The following UBOX5 variants were observed in gnomAD, a reference collection of about 807,000 sequenced individuals.
UBOX5 encodes the protein U-box domain containing 5.
UBOX5 carries 28 observed loss-of-function variants against 39.0 expected under a neutral mutation model. That is an observed-to-expected ratio of 0.72 (90% CI 0.53 to 0.98). The LOEUF (loss-of-function observed/expected upper bound fraction) is 0.98, where lower values mean the gene tolerates loss of function less well. Ranked by LOEUF, UBOX5 falls within the 50% of genes least tolerant of loss-of-function variation. The pLI is 0.00. For missense variants in UBOX5, 585 were observed against 674.4 expected (o/e 0.87, Z 1.47); for synonymous variants, 283 against 275.5 (o/e 1.03, Z -0.27).
intron 1 of UBOX5, chr20:3,147,944 T>C: frequency 2.5e-6 from 4 of 1,614,246 alleles, no homozygotes; most frequent in Non-Finnish European, 2.5e-6. Context: ...CTCTCCAATC[T>C]GCTTCATGAA....
At chr20:3,151,068 TTG>T (rs142154039) in intron 1 of UBOX5, among the ~76,000 whole-genome samples, 11 of 149,312 alleles carry the variant, frequency 7.4e-5, no homozygotes, top group Admixed American at 2.7e-4. Context: ...GTGTGTGTGT[TTG>T]TGTGTGTGTG....
chr20:3,158,835 C>T (rs1438294787), intron 1 of UBOX5, among the ~76,000 whole-genome samples: 1 of 152,228 alleles, frequency 6.6e-6, no homozygotes, highest in African/African-American at 2.4e-5. Context: ...CAGGACCATT[C>T]AGGTCAGTGA....
intron 1 of UBOX5, among the ~76,000 whole-genome samples, chr20:3,140,821 G>C (rs1042680556): frequency 3.3e-5 from 5 of 151,324 alleles, no homozygotes; most frequent in African/African-American, 1.2e-4. Context: ...ATGTCACCCA[G>C]GTACTGAGCA....
At position 3,122,482 on chromosome 20, in the gene UBOX5, CAT is replaced by C; in HGVS notation, c.155_156del (p.Tyr52CysfsTer8). 6.2e-7 allele frequency: 1 copy of C among 1,614,166 alleles called. No individual in the cohort carries two copies. Among genetic ancestry groups the C allele is most frequent in the Non-Finnish European group, 8.5e-7 (1 of 1,180,018 alleles). ...ACATTAAAGGGAAATGAAACTGTCA[CAT>C]AGACTGGTGGCTTAATGAAATACTC... ...RTEYFIKPPV[Y>X]VTVSFPFNVE... On this transcript the variant is annotated frameshift_variant, in exon 3 of 5. Coordinates refer to ENST00000217173, the MANE Select transcript of UBOX5 (RefSeq NM_014948.4). LOFTEE classifies it high-confidence loss of function.
chr20:3,147,003 T>A, intron 1 of UBOX5: 2 of 1,614,210 alleles, frequency 1.2e-6, no homozygotes, highest in Non-Finnish European at 1.7e-6. Context: ...GGGGTCTGCA[T>A]GCAGGCTGCG....
chr20:3,142,655 C>G lies in UBOX5; in HGVS notation c.-42+17111G>C, dbSNP rs540471196. ...GGGCTTGGTGGCACACTCCTGTAAT[C>G]CCAGCTACTTGGGTGGCTGAGGCAC... is the stretch of plus-strand genomic sequence containing the variant. On this transcript the variant is annotated intron_variant, in intron 1 of 4. Transcript: ENST00000217173. Among the ~76,000 whole-genome samples, 28 of 148,398 alleles carry G rather than the reference C, an allele frequency of 1.9e-4. 1 individual carries two copies. In the South Asian group the frequency reaches 5.8e-3, roughly 31 times the overall value.
At chr20:3,147,660 G>T (rs1271368844) in intron 1 of UBOX5, 3 of 1,614,126 alleles carry the variant, frequency 1.9e-6, no homozygotes, top group Non-Finnish European at 2.5e-6. Flanking sequence ...GTGGGCAGGT[G>T]TTCTGGGTAC....
At chr20:3,148,950 G>C in intron 1 of UBOX5, 1 of 1,614,208 alleles carries the variant, frequency 6.2e-7, no homozygotes, top group Non-Finnish European at 8.5e-7. Flanking sequence ...GGAGGGTCCT[G>C]TCCCCCATGC....
At chr20:3,123,505 A>C in intron 1 of UBOX5, 99 bp from the exon 2 acceptor site, 1 of 780,278 alleles carries the variant, frequency 1.3e-6, no homozygotes, top group East Asian at 2.7e-5. Flanking sequence ...TGGCAACAAA[A>C]ACTTGAACAC....
At chr20:3,154,238 G>A (rs944548573) in intron 1 of UBOX5, among the ~76,000 whole-genome samples, 3 of 152,226 alleles carry the variant, frequency 2.0e-5, no homozygotes, top group Non-Finnish European at 2.9e-5. Flanking sequence ...CATGCTGGAC[G>A]ACATAGACAG....
At chr20:3,123,735 T>C (rs1361946309) in intron 1 of UBOX5, among the ~76,000 whole-genome samples, 1 of 152,170 alleles carries the variant, frequency 6.6e-6, no homozygotes, top group Non-Finnish European at 1.5e-5. Flanking sequence ...CAAAAGTATC[T>C]GAGCTCAGAG....
chr20:3,121,354 C>A, intron 3 of UBOX5, 30 bp downstream of exon 3: 1 of 1,580,144 alleles, frequency 6.3e-7, no homozygotes, highest in Non-Finnish European at 8.6e-7. Context: ...GATGGATGAG[C>A]CTGGCTGCGG....
chr20:3,117,709 G>C (rs1278227075), intron 3 of UBOX5, among the ~76,000 whole-genome samples: 1 of 150,426 alleles, frequency 6.6e-6, no homozygotes, highest in African/African-American at 2.4e-5. Flanking sequence ...ATAAATAACA[G>C]GGCTGGGCGT....
intron 1 of UBOX5, among the ~76,000 whole-genome samples, chr20:3,141,139 G>A (rs1455062535): frequency 4.6e-5 from 7 of 151,232 alleles, no homozygotes; most frequent in Admixed American, 6.6e-5. Context: ...GGCTAGTCTT[G>A]AACTCCTGAC....
At chr20:3,133,613 A>G (rs1251092374) in intron 1 of UBOX5, among the ~76,000 whole-genome samples, 1 of 152,218 alleles carries the variant, frequency 6.6e-6, no homozygotes, top group Admixed American at 6.5e-5. Flanking sequence ...ACCTAGATTT[A>G]GCAAATGTTA....
chr20:3,132,007 C>CAAAAA (rs35711232), intron 1 of UBOX5, among the ~76,000 whole-genome samples: 7 of 52,118 alleles, frequency 1.3e-4, no homozygotes, highest in Non-Finnish European at 2.1e-4. Flanking sequence ...GACACTGTCT[C>CAAAAA]AAAAAAAAAA....
In UBOX5 at chr20:3,151,831, G is replaced by A. The variant is rs2066628193; in HGVS notation, c.-42+7935C>T. The A allele has an allele frequency of 5.3e-5, 8 of 152,036 alleles. No homozygotes were observed. In the South Asian group the frequency reaches 1.7e-3, roughly 32 times the overall value. 9.4% of individuals were successfully genotyped at this position (152,036 alleles called of 1,614,324 possible). On this transcript the variant is annotated intron_variant, in intron 1 of 4. Coordinates refer to ENST00000217173, the MANE Select transcript of UBOX5 (RefSeq NM_014948.4). ...AAAAGAGACAGCAGGATGGCCAGGC[G>A]TGGTGGCTCATGCCTGTAATTCCAG...
At chr20:3,158,951 C>T (rs549663029) in intron 1 of UBOX5, among the ~76,000 whole-genome samples, 10 of 152,302 alleles carry the variant, frequency 6.6e-5, no homozygotes, top group African/African-American at 2.4e-4. Flanking sequence ...CACAAAACGC[C>T]AGCCACAGTT....
rs950031397 is a variant in UBOX5, at chr20:3,109,748, A to T, written c.*358T>A. 3.2e-5 allele frequency: 10 copies of T among 311,098 alleles called. No homozygotes were observed. The highest frequency in any genetic ancestry group is 5.6e-5 in the Non-Finnish European group (9 of 160,122). The allele number at this position is 311,098 out of a possible 1,614,324, so 19.3% of individuals were successfully genotyped here. A position where few individuals can be genotyped will look rare whatever the true frequency, so the allele number is the denominator to read the frequency against. The stretch of plus-strand genomic sequence containing the variant: ...ACTCCTGAGATCTGGGCCACAATCT[A>T]GGGTGAGCCACCCACAGTGCCCTGC... On this transcript the variant is annotated 3_prime_UTR_variant, in exon 5 of 5. Coordinates refer to ENST00000217173, the MANE Select transcript of UBOX5 (RefSeq NM_014948.4).
Sources: allele counts gnomAD v4.1 joint callset (sites outside exome capture counted in the v4.1 genomes callset), GRCh38; gene constraint gnomAD v4.1.1; transcripts MANE v1.5; gene names NCBI Gene and HGNC (gene_info 2026-07-23, HGNC 2026-07-21).